EPHA7: variants seen among roughly 807,000 people sequenced by gnomAD.
EPHA7 encodes ephrin type-A receptor 7.
A neutral mutation model predicts 112.6 loss-of-function variants in EPHA7; 25 were observed. The observed-to-expected ratio is 0.22, with a 90% confidence interval of 0.16 to 0.31. The LOEUF (loss-of-function observed/expected upper bound fraction) is 0.31. EPHA7 is among the 10% of genes least tolerant of loss of function. The pLI, the probability that EPHA7 is intolerant of heterozygous loss-of-function variation, is 1.00. For missense variants in EPHA7, 962 were observed against 1,212.6 expected (o/e 0.79, Z 3.07); for synonymous variants, 437 against 406.5 (o/e 1.07, Z -0.90).
intron 2 of EPHA7, among the ~76,000 whole-genome samples, chr6:93,413,841 T>C (rs1779095133): frequency 6.6e-6 from 1 of 151,916 alleles, no homozygotes; most frequent in African/African-American, 2.4e-5. Context: ...CTTTGCAAAA[T>C]ATGCTACAGT....
chr6:93,410,597 G>C lies in EPHA7; in HGVS notation c.736C>G (p.Pro246Ala), dbSNP rs1455705870. ...CCTTCTGCACTGCAGTGCATCCTGG[G>C]GGCGTTTTCCGCTTCTTCCTCTGCA... ...SSAEEEAENA[P>A]RMHCSAEGEW... The change falls in exon 3 of 17, where the codon CCC (proline) becomes GCC (alanine). Residue 246 changes from proline to alanine, a missense_variant. Transcript: ENST00000369303. This position sits in a 1 kb window ranked among gnomAD's most constrained non-coding sequence, Gnocchi z 4.0. 2.5e-6 allele frequency: 4 copies of C among 1,613,832 alleles called. No homozygotes were observed. The Admixed American group carries it at 5.0e-5, about 20-fold the overall frequency.
intron 3 of EPHA7, among the ~76,000 whole-genome samples, chr6:93,398,173 G>C (rs1393473022): frequency 6.6e-6 from 1 of 151,798 alleles, no homozygotes; most frequent in Non-Finnish European, 1.5e-5. Flanking sequence ...ATTCTTATTT[G>C]TTATTGGTCT....
intron 5 of EPHA7, among the ~76,000 whole-genome samples, chr6:93,283,492 C>A (rs1204318469): frequency 6.6e-6 from 1 of 152,100 alleles, no homozygotes; most frequent in African/African-American, 2.4e-5. Flanking sequence ...TCCACATTGC[C>A]TTTATGAGCT....
intron 5 of EPHA7, among the ~76,000 whole-genome samples, chr6:93,321,122 A>C (rs1458314970): frequency 6.6e-6 from 1 of 151,948 alleles, no homozygotes; most frequent in African/African-American, 2.4e-5. Flanking sequence ...AAATCAGTAC[A>C]TCTCAATATG....
chr6:93,332,965 C>A (rs914538695), intron 5 of EPHA7, among the ~76,000 whole-genome samples: 2 of 151,574 alleles, frequency 1.3e-5, no homozygotes, highest in Non-Finnish European at 3.0e-5. Context: ...GTTTGGTGTA[C>A]AGATTATTTC....
At chr6:93,284,464 A>C (rs1771957938) in intron 5 of EPHA7, among the ~76,000 whole-genome samples, 1 of 152,146 alleles carries the variant, frequency 6.6e-6, no homozygotes, top group Non-Finnish European at 1.5e-5. Context: ...CAGGGGGAGA[A>C]GGAAGTGAAA....
chr6:93,330,193 C>A (rs1193126754), intron 5 of EPHA7, among the ~76,000 whole-genome samples: 3 of 151,210 alleles, frequency 2.0e-5, no homozygotes, highest in Non-Finnish European at 4.4e-5. Flanking sequence ...TTATGAGGTA[C>A]ACAGTGATAT....
intron 3 of EPHA7, among the ~76,000 whole-genome samples, chr6:93,370,657 C>G (rs1212692642): frequency 6.6e-6 from 1 of 152,096 alleles, no homozygotes; most frequent in Non-Finnish European, 1.5e-5. Flanking sequence ...TTCACACACC[C>G]TTCTGTACAT....
chr6:93,388,350 T>C (rs1434294164), intron 3 of EPHA7, among the ~76,000 whole-genome samples: 2 of 152,148 alleles, frequency 1.3e-5, no homozygotes, highest in African/African-American at 4.8e-5. Context: ...TGGAAGAGAA[T>C]CCCTATTATT....
Position 93,258,326 on chromosome 6 carries a change from A to G in EPHA7, c.1925-42T>C, listed in dbSNP as rs544404425. 8.7e-6 allele frequency: 13 copies of G among 1,496,070 alleles called. No individual in the cohort carries two copies. In the South Asian group the frequency reaches 1.5e-4, roughly 18 times the overall value. 92.7% of individuals were successfully genotyped at this position (1,496,070 alleles called of 1,614,324 possible). ...AGCAGGCATATTTTAGTTTCTAAAT[A>G]TTGTAATTTTCTTTTAAGAGTAAAT... On this transcript the variant is annotated intron_variant, in intron 10 of 16. Transcript: ENST00000369303.
At chr6:93,337,739 C>G (rs1302349836) in intron 5 of EPHA7, among the ~76,000 whole-genome samples, 1 of 152,184 alleles carries the variant, frequency 6.6e-6, no homozygotes, top group Non-Finnish European at 1.5e-5. Flanking sequence ...TTAGATATAC[C>G]TCAGAAAGAG....
In EPHA7 at chr6:93,364,629, G is replaced by T. The variant is rs145166439; in HGVS notation, c.833-6218C>A. On this transcript the variant is annotated intron_variant, in intron 3 of 16. Coordinates refer to ENST00000369303, the MANE Select transcript of EPHA7 (RefSeq NM_004440.4). ...TAAGAAAAAATAGTAAATTTTATTT[G>T]CTTATATTAGTTTATTTTTCTAACA... Among the ~76,000 whole-genome samples, 703 of 150,656 alleles carry T rather than the reference G, an allele frequency of 4.7e-3. 10 individuals are homozygous for T. Among genetic ancestry groups the T allele is most frequent in the African/African-American group, 0.016 (671 of 40,992 alleles).
chr6:93,409,404 A>C (rs776218079), intron 3 of EPHA7, among the ~76,000 whole-genome samples: 4 of 152,036 alleles, frequency 2.6e-5, no homozygotes, highest in Non-Finnish European at 5.9e-5. Flanking sequence ...TATTGTGTAA[A>C]ACATAAATGA....
chr6:93,320,175 G>A (rs1012409604), intron 5 of EPHA7, among the ~76,000 whole-genome samples: 1 of 151,984 alleles, frequency 6.6e-6, no homozygotes, highest in Non-Finnish European at 1.5e-5. Context: ...ACCTCCTTGT[G>A]AAACTGTAGA....
chr6:93,278,325 A>T (rs1771566574), intron 5 of EPHA7, among the ~76,000 whole-genome samples: 1 of 152,024 alleles, frequency 6.6e-6, no homozygotes, highest in Non-Finnish European at 1.5e-5. Context: ...CACCTCATAA[A>T]TTTTTATTTT....
At chr6:93,337,199 T>G (rs1406292292) in intron 5 of EPHA7, among the ~76,000 whole-genome samples, 1 of 152,128 alleles carries the variant, frequency 6.6e-6, no homozygotes, top group African/African-American at 2.4e-5. Context: ...TGAAGAAAGA[T>G]CCACAAGGAT....
chr6:93,303,445 A>C (rs538384964), intron 5 of EPHA7, among the ~76,000 whole-genome samples: 3 of 152,140 alleles, frequency 2.0e-5, no homozygotes, highest in Non-Finnish European at 2.9e-5. Flanking sequence ...AAATAAATAA[A>C]ATATATGCTC....
At chr6:93,371,906 G>A (rs972571604) in intron 3 of EPHA7, among the ~76,000 whole-genome samples, 1 of 152,106 alleles carries the variant, frequency 6.6e-6, no homozygotes, top group African/African-American at 2.4e-5. Context: ...CCCAAATGAA[G>A]TGGTTAAGAA....
intron 3 of EPHA7, chr6:93,409,838 T>G (rs1367802251): frequency 6.6e-6 from 1 of 150,590 alleles, no homozygotes; most frequent in East Asian, 1.9e-4. Context: ...ATGCAATTGG[T>G]GTACTATAAT....
Sources: gnomAD v4.1 joint callset for allele counts (sites outside exome capture counted in the v4.1 genomes callset) on GRCh38, gnomAD v4.1.1 for gene constraint, Gnocchi (gnomAD v3.1) non-coding constraint, MANE v1.5 for transcripts, NCBI Gene and HGNC (gene_info 2026-07-23, HGNC 2026-07-21) for gene names.